The following RSPO3 variants were observed in gnomAD, a reference collection of about 807,000 sequenced individuals.
The protein encoded by RSPO3 is R-spondin-3.
RSPO3 carries 17 observed loss-of-function variants against 36.5 expected under a neutral mutation model. The observed-to-expected ratio is 0.47, with a 90% confidence interval of 0.32 to 0.70. The LOEUF (loss-of-function observed/expected upper bound fraction) is 0.70. Among genes scored for constraint, RSPO3 ranks in the 30% least tolerant of loss-of-function variants. The pLI, the probability that RSPO3 is intolerant of heterozygous loss-of-function variation, is 0.04. For missense variants in RSPO3, 294 were observed against 322.5 expected (o/e 0.91, Z 0.68); for synonymous variants, 108 against 107.0 (o/e 1.01, Z -0.06).
chr6:127,198,302 T>G lies in RSPO3; in HGVS notation c.*2295T>G, dbSNP rs138311993. Among the ~76,000 whole-genome samples, 109 of 152,370 alleles carry G rather than the reference T, an allele frequency of 7.2e-4. No homozygotes were observed. The highest frequency in any genetic ancestry group is 2.5e-3 in the African/African-American group (106 of 41,596). ...ATAAAAACTAACATTCATTTTCATATGTTGGATGAAATATAAATGAAGAAA... is the reference window on the plus strand; with the variant it reads ...ATAAAAACTAACATTCATTTTCATAGGTTGGATGAAATATAAATGAAGAAA... On this transcript the variant is annotated 3_prime_UTR_variant, in exon 5 of 5. Coordinates refer to ENST00000356698, the MANE Select transcript of RSPO3 (RefSeq NM_032784.5).
In RSPO3 at chr6:127,120,649, G is replaced by A. The variant is rs559571254; in HGVS notation, c.97+1360G>A. On this transcript the variant is annotated intron_variant, in intron 1 of 4. Coordinates refer to ENST00000356698, the MANE Select transcript of RSPO3 (RefSeq NM_032784.5). ...CCCTGCCCTGCCCCTGGGCATGAGG[G>A]TCCCCTGAAAGCTCCCTTTGTATTG... Among the ~76,000 whole-genome samples the A allele has an allele frequency of 1.3e-4, 20 of 152,370 alleles. 1 individual carries two copies. The highest frequency in any genetic ancestry group is 3.8e-4 in the African/African-American group (16 of 41,598).
chr6:127,144,656 T>TTTTTTTTTTTTTTTTTAAA (rs1554220622), intron 1 of RSPO3, among the ~76,000 whole-genome samples: 1 of 147,704 alleles, frequency 6.8e-6, no homozygotes, highest in African/African-American at 2.5e-5. Context: ...TTTTTTTTTT[T>TTTTTTTTTTTTTTTTTAAA]CAGACAGAGT....
chr6:127,143,608 T>A (rs1328415989), intron 1 of RSPO3, among the ~76,000 whole-genome samples: 9 of 152,208 alleles, frequency 5.9e-5, no homozygotes, highest in African/African-American at 2.2e-4. Flanking sequence ...GTCAAACCTG[T>A]CTTATTAGTC....
chr6:127,199,085 T>C lies in RSPO3; in HGVS notation c.*3078T>C, dbSNP rs1054106189. 6.6e-6 allele frequency among the ~76,000 whole-genome samples: 1 copy of C among 151,816 alleles called. No individual in the cohort carries two copies. The highest frequency in any genetic ancestry group is 6.6e-5 in the Admixed American group (1 of 15,254). On this transcript the variant is annotated 3_prime_UTR_variant, in exon 5 of 5. Coordinates refer to ENST00000356698, the MANE Select transcript of RSPO3 (RefSeq NM_032784.5). ...TCACAAAGGGAGACAGCAAAGAAAATGGAAAGTGCACTGGTGCTAGCGTTA... is the reference window on the plus strand; with the variant it reads ...TCACAAAGGGAGACAGCAAAGAAAACGGAAAGTGCACTGGTGCTAGCGTTA...
At chr6:127,135,357 G>T (rs569903941) in intron 1 of RSPO3, among the ~76,000 whole-genome samples, 1 of 149,732 alleles carries the variant, frequency 6.7e-6, no homozygotes, top group African/African-American at 2.5e-5. Flanking sequence ...GGAGGCAGAG[G>T]TTGCAGTGAG....
intron 1 of RSPO3, among the ~76,000 whole-genome samples, chr6:127,146,411 T>C (rs761776504): frequency 2.0e-5 from 3 of 152,154 alleles, no homozygotes; most frequent in Admixed American, 2.0e-4. Flanking sequence ...GCACATCTCA[T>C]AATTTCAGTG....
At position 127,162,167 on chromosome 6, in the gene RSPO3, T is replaced by C. The variant is rs117470981; in HGVS notation, c.634+6729T>C. Among the ~76,000 whole-genome samples, 123 of 152,262 alleles carry C rather than the reference T, an allele frequency of 8.1e-4. No individual in the cohort carries two copies. The East Asian group carries it at 0.019, about 23-fold the overall frequency. ...GCTCAGAACCTGGCATAGTTTTTAC[T>C]TCCACCACATTCTGTCAGCCTATAC... On this transcript the variant is annotated intron_variant, in intron 4 of 4. Transcript: ENST00000356698.
In RSPO3 at chr6:127,119,282, G is replaced by A. The variant is rs770647617; in HGVS notation, c.90G>A (p.Gln30=). 2.7e-5 allele frequency: 43 copies of A among 1,611,454 alleles called. No individual in the cohort carries two copies. The highest frequency in any genetic ancestry group is 3.1e-5 in the Non-Finnish European group (37 of 1,178,218). The change falls in exon 1 of 5, where the codon CAG becomes CAA. Residue 30 remains glutamine (Q), a synonymous_variant. Coordinates refer to ENST00000356698, the MANE Select transcript of RSPO3 (RefSeq NM_032784.5). ...AAAACGCCTCCCGGGGAAGGCGCCA[G>A]CGAAGAAGTAAGTGCAGGGTTTTTT... ...GSQNASRGRR[Q]RRMHPNVSQG...
chr6:127,159,041 A>G (rs776557422), intron 4 of RSPO3, among the ~76,000 whole-genome samples: 5 of 152,188 alleles, frequency 3.3e-5, no homozygotes, highest in Non-Finnish European at 7.4e-5. Flanking sequence ...ATGCATTTCC[A>G]GTGGTTGCCA....
At chr6:127,138,141 T>C (rs540621820) in intron 1 of RSPO3, among the ~76,000 whole-genome samples, 1 of 152,166 alleles carries the variant, frequency 6.6e-6, no homozygotes, top group Non-Finnish European at 1.5e-5. Context: ...ACCTCATCAT[T>C]GTAAACAAGT....
intron 4 of RSPO3, among the ~76,000 whole-genome samples, chr6:127,174,532 T>C (rs1030804151): frequency 7.2e-5 from 11 of 151,856 alleles, no homozygotes; most frequent in Non-Finnish European, 8.8e-5. Context: ...AAACTGCTTC[T>C]GTGCTAGCTT....
chr6:127,192,783 T>C (rs986607035), intron 4 of RSPO3: 86 of 649,832 alleles, frequency 1.3e-4, no homozygotes, highest in Non-Finnish European at 1.6e-4. Flanking sequence ...TGTGTATATA[T>C]ATATGTGTGT....
In RSPO3 at chr6:127,160,732, T is replaced by C. The variant is rs923953428; in HGVS notation, c.634+5294T>C. On this transcript the variant is annotated intron_variant, in intron 4 of 4. Transcript: ENST00000356698. Reference sequence around the variant, plus strand: ...CAAACTGACATGGCACATTGGTGGGTGTGTCTTTTAGAAAGGTGCTTCCAC... The same window carrying C: ...CAAACTGACATGGCACATTGGTGGGCGTGTCTTTTAGAAAGGTGCTTCCAC... 3.3e-5 allele frequency among the ~76,000 whole-genome samples: 5 copies of C among 151,452 alleles called. No homozygotes were observed. The East Asian group carries it at 5.8e-4, about 18-fold the overall frequency.
At chr6:127,128,509 G>A (rs1358158021) in intron 1 of RSPO3, among the ~76,000 whole-genome samples, 1 of 152,060 alleles carries the variant, frequency 6.6e-6, no homozygotes, top group Non-Finnish European at 1.5e-5. Context: ...TATTGTAAGA[G>A]CCTTAATTCA....
intron 1 of RSPO3, among the ~76,000 whole-genome samples, chr6:127,143,356 A>AT (rs1774317462): frequency 6.6e-6 from 1 of 151,980 alleles, no homozygotes; most frequent in African/African-American, 2.4e-5. Context: ...GGACAGATGT[A>AT]AAAAAAACTT....
intron 4 of RSPO3, among the ~76,000 whole-genome samples, chr6:127,184,566 T>C (rs1254157758): frequency 6.6e-6 from 1 of 151,946 alleles, no homozygotes; most frequent in South Asian, 2.1e-4. Flanking sequence ...TGAAAGTAAT[T>C]ATTTGATTTC....
chr6:127,148,363 T>C (rs556789348), intron 1 of RSPO3, among the ~76,000 whole-genome samples: 51 of 151,406 alleles, frequency 3.4e-4, no homozygotes, highest in African/African-American at 1.1e-3. Flanking sequence ...ATATATATTA[T>C]ATGATAAAGA....
intron 4 of RSPO3, chr6:127,192,700 A>T (rs1477870774): frequency 2.0e-6 from 2 of 985,168 alleles, no homozygotes; most frequent in Non-Finnish European, 2.4e-6. Flanking sequence ...TCCAAAACCC[A>T]GTTCAGGCAG....
At chr6:127,135,700 G>A (rs1235515626) in intron 1 of RSPO3, among the ~76,000 whole-genome samples, 2 of 152,030 alleles carry the variant, frequency 1.3e-5, no homozygotes, top group African/African-American at 2.4e-5. Context: ...GCCAAGGAGG[G>A]CAAATCTCCT....
Sources: gnomAD v4.1 joint callset for allele counts (sites outside exome capture counted in the v4.1 genomes callset) on GRCh38, gnomAD v4.1.1 for gene constraint, MANE v1.5 for transcripts, NCBI Gene and HGNC (gene_info 2026-07-23, HGNC 2026-07-21) for gene names.